Variants in NR6A1 observed in about 807,000 individuals in gnomAD.
The protein encoded by NR6A1 is retinoic acid receptor-related testis-associated receptor.
Under a neutral mutation model 59.1 loss-of-function variants are expected in NR6A1, and 7 were observed. The ratio of observed to expected loss-of-function variants is 0.12; its 90% CI spans 0.07 to 0.22. The LOEUF (loss-of-function observed/expected upper bound fraction) is 0.22. Ranked by LOEUF, NR6A1 falls within the 10% of genes least tolerant of loss-of-function variation. The probability of loss-of-function intolerance (pLI) is 1.00; values close to 1 mark genes in which losing one functional copy is unlikely to be tolerated. For missense variants in NR6A1, 468 were observed against 611.6 expected (o/e 0.77, Z 2.48); for synonymous variants, 243 against 236.1 (o/e 1.03, Z -0.27).
At chr9:124,634,087 G>A (rs996227734) in intron 2 of NR6A1, among the ~76,000 whole-genome samples, 3 of 152,162 alleles carry the variant, frequency 2.0e-5, no homozygotes, top group African/African-American at 7.2e-5. Context: ...TATTTGTATA[G>A]TCAGCCTGTC....
intron 2 of NR6A1, chr9:124,599,234 G>A (rs968360581): frequency 1.8e-5 from 8 of 449,204 alleles, no homozygotes; most frequent in Non-Finnish European, 2.5e-5. Context: ...CCTGAGGTCA[G>A]GAGTTTGAGA....
rs117009484 is a variant in NR6A1, at chr9:124,600,706, A to C, written c.143-46136T>G. Among the ~76,000 whole-genome samples, 200 of 152,348 alleles carry C rather than the reference A, an allele frequency of 1.3e-3. 5 individuals carry two copies. The East Asian group carries it at 0.035, about 27-fold the overall frequency. ...AACAGATAAATGACAGTATGATGTT[A>C]TGAGTACTGTAACTAAAGTGGGTAA... On this transcript the variant is annotated intron_variant, in intron 2 of 9. Transcript: ENST00000487099.
In NR6A1 at chr9:124,522,790, T is replaced by C; in HGVS notation, c.1358A>G (p.Lys453Arg). Reference protein sequence around the residue: ...CLPEIRYIAGKMVNVPLEQLP... With the variant: ...CLPEIRYIAGRMVNVPLEQLP... ...CTGCTCCAGGGGCACATTCACCATCTTTCCTGGGAACAAGGGGGGAGAAGA... is the reference window on the plus strand; with the variant it reads ...CTGCTCCAGGGGCACATTCACCATCCTTCCTGGGAACAAGGGGGGAGAAGA... The change falls in exon 10 of 10, where the codon AAG (lysine) becomes AGG (arginine). Residue 453 changes from lysine to arginine, a missense_variant. Lys to Arg is a conservative substitution (Grantham distance 26). This residue lies in a region of NR6A1 where 176 missense variants were observed against 264.0 expected (regional missense o/e 0.67). Transcript: ENST00000487099. 6.3e-7 allele frequency: 1 copy of C among 1,584,332 alleles called. No homozygotes were observed. The highest frequency in any genetic ancestry group is 1.2e-5 in the South Asian group (1 of 86,366).
intron 8 of NR6A1, among the ~76,000 whole-genome samples, chr9:124,525,493 T>A (rs1447058903): frequency 6.6e-6 from 1 of 152,086 alleles, no homozygotes; most frequent in Admixed American, 6.5e-5. Context: ...AAGCTAGGAC[T>A]ACAGGGTGTG....
chr9:124,596,253 G>A (rs1299958813), intron 2 of NR6A1, among the ~76,000 whole-genome samples: 2 of 151,612 alleles, frequency 1.3e-5, no homozygotes, highest in African/African-American at 2.4e-5. Flanking sequence ...AAAACCTTTC[G>A]GTCTAAGGAA....
chr9:124,731,855 T>C (rs1331616360), intron 2 of NR6A1, among the ~76,000 whole-genome samples: 1 of 152,200 alleles, frequency 6.6e-6, no homozygotes, highest in East Asian at 1.9e-4. Context: ...CAGTAAGTTA[T>C]TAATAAAGTT....
At chr9:124,682,119 C>T (rs1260702226) in intron 2 of NR6A1, among the ~76,000 whole-genome samples, 3 of 152,004 alleles carry the variant, frequency 2.0e-5, no homozygotes, top group East Asian at 1.9e-4. Flanking sequence ...CTCAGCCTCC[C>T]GAGTAGCTGG....
chr9:124,550,554 C>T (rs1346649659), intron 3 of NR6A1, among the ~76,000 whole-genome samples: 2 of 151,602 alleles, frequency 1.3e-5, no homozygotes, highest in Non-Finnish European at 2.9e-5. Flanking sequence ...GACGGGGTTT[C>T]AGCATGATAC....
intron 3 of NR6A1, among the ~76,000 whole-genome samples, chr9:124,549,140 GT>G (rs1327737972): frequency 6.6e-6 from 1 of 152,232 alleles, no homozygotes; most frequent in East Asian, 1.9e-4. Context: ...GCACAGGAGG[GT>G]TATCTGGTGG....
rs1167519689 is a variant in NR6A1 at position 124,634,906 on chromosome 9, T to TC, written c.143-80337dup. Among the ~76,000 whole-genome samples, 6 of 151,876 alleles carry TC rather than the reference T, an allele frequency of 4.0e-5. No individual in the cohort carries two copies. In the East Asian group the frequency reaches 9.7e-4, roughly 24 times the overall value. ...TTAAAGGTTTAGAGATTTCCCATAT[T>TC]CCCCACCCCCACATATGCATGACCT... On this transcript the variant is annotated intron_variant, in intron 2 of 9. Transcript: ENST00000487099.
intron 2 of NR6A1, among the ~76,000 whole-genome samples, chr9:124,695,406 G>C (rs1012474220): frequency 6.6e-5 from 10 of 152,190 alleles, no homozygotes; most frequent in African/African-American, 2.2e-4. Flanking sequence ...AGACAGTCTT[G>C]CTCTGTTTCC....
chr9:124,528,344 A>G (rs1468951716), intron 7 of NR6A1, among the ~76,000 whole-genome samples: 1 of 152,194 alleles, frequency 6.6e-6, no homozygotes, highest in Non-Finnish European at 1.5e-5. Flanking sequence ...GGGTTCCACC[A>G]ACTCCATCAA....
chr9:124,533,035 A>G (rs371951720), intron 7 of NR6A1, among the ~76,000 whole-genome samples: 66 of 152,302 alleles, frequency 4.3e-4, no homozygotes, highest in African/African-American at 1.5e-3. Context: ...GATGGGATGC[A>G]TTATGAAGCT....
chr9:124,553,325 A>G (rs1165128079), intron 3 of NR6A1, among the ~76,000 whole-genome samples: 1 of 151,922 alleles, frequency 6.6e-6, no homozygotes, highest in East Asian at 1.9e-4. Context: ...TATGGACTAG[A>G]CTTTTACTAC....
chr9:124,567,597 C>T (rs1358452387), intron 2 of NR6A1, among the ~76,000 whole-genome samples: 3 of 151,812 alleles, frequency 2.0e-5, no homozygotes, highest in African/African-American at 4.8e-5. Context: ...AGACCCTGTT[C>T]TCCACAAAAA....
intron 2 of NR6A1, among the ~76,000 whole-genome samples, chr9:124,697,691 CAG>C (rs1838813572): frequency 6.8e-6 from 1 of 146,764 alleles, no homozygotes; most frequent in African/African-American, 2.5e-5. Context: ...AAAAAAAAAA[CAG>C]ATTACTAATA....
At chr9:124,720,205 C>T (rs1280531981) in intron 2 of NR6A1, among the ~76,000 whole-genome samples, 1 of 152,028 alleles carries the variant, frequency 6.6e-6, no homozygotes, top group Non-Finnish European at 1.5e-5. Flanking sequence ...GCATGCGCCA[C>T]CACGTCCAGG....
At chr9:124,582,746 G>A (rs1359372947) in intron 2 of NR6A1, among the ~76,000 whole-genome samples, 1 of 152,080 alleles carries the variant, frequency 6.6e-6, no homozygotes, top group Non-Finnish European at 1.5e-5. Context: ...AAATTAGCTG[G>A]GCATGGTGGT....
chr9:124,743,423 T>G (rs1030261448), intron 1 of NR6A1, among the ~76,000 whole-genome samples: 45 of 152,208 alleles, frequency 3.0e-4, no homozygotes, highest in Non-Finnish European at 5.7e-4. Context: ...TTTTTAAAAG[T>G]GCAACAAAAA....
Sources: gnomAD v4.1 joint callset for allele counts (sites outside exome capture counted in the v4.1 genomes callset) on GRCh38, gnomAD v4.1.1 for gene constraint, gnomAD v4.1.1 regional missense constraint, MANE v1.5 for transcripts, NCBI Gene and HGNC (gene_info 2026-07-23, HGNC 2026-07-21) for gene names.